ARHGAP10: variants seen among roughly 807,000 people sequenced by gnomAD.
The protein encoded by ARHGAP10 is rho GTPase-activating protein 10.
A neutral mutation model predicts 108.6 loss-of-function variants in ARHGAP10; 87 were observed. That is an observed-to-expected ratio of 0.80 (90% CI 0.67 to 0.96). The LOEUF (loss-of-function observed/expected upper bound fraction) is 0.96, where lower values mean the gene tolerates loss of function less well. ARHGAP10 is among the 40% of genes least tolerant of loss of function. The probability of loss-of-function intolerance (pLI) is 0.00; values close to 1 mark genes in which losing one functional copy is unlikely to be tolerated. For missense variants in ARHGAP10, 939 were observed against 954.5 expected, an observed-to-expected ratio of 0.98 and a Z score of 0.21; for synonymous variants, 347 against 341.1, an observed-to-expected ratio of 1.02 and a Z score of -0.19.
intron 1 of ARHGAP10, among the ~76,000 whole-genome samples, chr4:147,739,147 A>G (rs564766893): frequency 1.3e-5 from 2 of 149,350 alleles, no homozygotes; most frequent in African/African-American, 5.0e-5. Flanking sequence ...AGATCACGCC[A>G]TTGCACTCCA....
At chr4:147,969,640 C>G (rs1055955751) in intron 18 of ARHGAP10, among the ~76,000 whole-genome samples, 2 of 152,046 alleles carry the variant, frequency 1.3e-5, no homozygotes, top group Non-Finnish European at 2.9e-5. Context: ...GTTTTCTTCC[C>G]TTTTTGAAGC....
chr4:148,033,221 C>T (rs547527039), intron 19 of ARHGAP10, among the ~76,000 whole-genome samples: 2 of 152,258 alleles, frequency 1.3e-5, no homozygotes, highest in East Asian at 1.9e-4. Context: ...ATAGTACTCT[C>T]TGCATTCTAT....
intron 18 of ARHGAP10, among the ~76,000 whole-genome samples, chr4:148,019,797 G>A (rs750753167): frequency 6.6e-6 from 1 of 151,398 alleles, no homozygotes; most frequent in African/African-American, 2.4e-5. Flanking sequence ...AACAAAAAAC[G>A]TCTAACCTAA....
At chr4:147,855,679 A>ATGGTTTTTT (rs1200925976) in intron 4 of ARHGAP10, among the ~76,000 whole-genome samples, 1 of 141,628 alleles carries the variant, frequency 7.1e-6, no homozygotes, top group Non-Finnish European at 1.5e-5. Flanking sequence ...ATATTGTCAG[A>ATGGTTTTTT]TGGTTTTTTT....
At chr4:147,895,309 A>G (rs529836075) in intron 10 of ARHGAP10, among the ~76,000 whole-genome samples, 1 of 152,170 alleles carries the variant, frequency 6.6e-6, no homozygotes, top group South Asian at 2.1e-4. Flanking sequence ...TGCTAAGTGC[A>G]CTTATTCTGT....
At chr4:148,049,128 TTATGTTAGGAAGTTTG>T (rs1560892267) in intron 20 of ARHGAP10, among the ~76,000 whole-genome samples, 1 of 152,128 alleles carries the variant, frequency 6.6e-6, no homozygotes, top group African/African-American at 2.4e-5. Flanking sequence ...AGATTTGTCA[TTATGTTAGGAAGTTTG>T]TATATAGATG....
chr4:147,981,575 G>C (rs1739808191), intron 18 of ARHGAP10, among the ~76,000 whole-genome samples: 1 of 152,204 alleles, frequency 6.6e-6, no homozygotes, highest in Non-Finnish European at 1.5e-5. Flanking sequence ...GGTCCGGTTA[G>C]TCAAGTGTTG....
chr4:147,805,589 G>A (rs1013630107), intron 1 of ARHGAP10, among the ~76,000 whole-genome samples: 7 of 152,048 alleles, frequency 4.6e-5, no homozygotes, highest in South Asian at 2.1e-4. Context: ...ATATTGATTC[G>A]TCATATCCCT....
At chr4:147,852,704 CTTTT>C (rs869139032) in intron 4 of ARHGAP10, among the ~76,000 whole-genome samples, 1 of 105,518 alleles carries the variant, frequency 9.5e-6, no homozygotes, top group African/African-American at 3.6e-5. Flanking sequence ...CATCACCAAA[CTTTT>C]TTTTTTTTTT....
chr4:147,888,463 A>G lies in ARHGAP10; in HGVS notation c.1034+6531A>G, dbSNP rs1043108157. 4.1e-4 allele frequency among the ~76,000 whole-genome samples: 63 copies of G among 152,178 alleles called. 1 individual carries two copies. The highest frequency in any genetic ancestry group is 2.8e-3 in the Admixed American group (42 of 15,260). ...TAGTTACATTCCTCTAACATGTTAT[A>G]TAGGTAAATGAATTCATTCCTACCA... On this transcript the variant is annotated intron_variant, in intron 10 of 22. Coordinates refer to ENST00000336498, the MANE Select transcript of ARHGAP10 (RefSeq NM_024605.4).
intron 7 of ARHGAP10, among the ~76,000 whole-genome samples, chr4:147,869,016 T>G (rs1429649913): frequency 2.6e-5 from 4 of 152,180 alleles, no homozygotes; most frequent in Non-Finnish European, 5.9e-5. Context: ...CTTGTCTGTC[T>G]GGACCTCATC....
chr4:147,915,486 T>C (rs1171684739), intron 13 of ARHGAP10, among the ~76,000 whole-genome samples: 2 of 152,232 alleles, frequency 1.3e-5, no homozygotes, highest in Admixed American at 6.5e-5. Flanking sequence ...TACATACTTA[T>C]TTCTGCCTGA....
intron 10 of ARHGAP10, among the ~76,000 whole-genome samples, chr4:147,884,719 T>A (rs1381025728): frequency 1.3e-5 from 2 of 152,004 alleles, no homozygotes; most frequent in Admixed American, 1.3e-4. Context: ...GTAGAGTGAG[T>A]GTCACATGTG....
chr4:147,994,469 CA>C (rs1401491594), intron 18 of ARHGAP10, among the ~76,000 whole-genome samples: 1 of 152,052 alleles, frequency 6.6e-6, no homozygotes, highest in African/African-American at 2.4e-5. Flanking sequence ...TAGCCTGTGC[CA>C]AAGTAAATCT....
rs113999288 is a variant in ARHGAP10 at position 147,748,140 on chromosome 4, A to T, written c.154+15685A>T. Among the ~76,000 whole-genome samples the T allele has an allele frequency of 1.2e-3, 176 of 152,370 alleles. 1 individual carries two copies. The highest frequency in any genetic ancestry group is 4.0e-3 in the African/African-American group (166 of 41,590). On this transcript the variant is annotated intron_variant, in intron 1 of 22. Transcript: ENST00000336498. The stretch of plus-strand genomic sequence containing the variant: ...AAACCCAGATACTCTTGAGAAGTAC[A>T]GTTATGCTAAGACAATAACCATGAA...
At chr4:147,976,375 A>G (rs1027284296) in intron 18 of ARHGAP10, among the ~76,000 whole-genome samples, 1 of 152,236 alleles carries the variant, frequency 6.6e-6, no homozygotes, top group Non-Finnish European at 1.5e-5. Flanking sequence ...TAAAGCTGCA[A>G]AGTTTCTAAA....
chr4:147,972,697 C>T (rs1739456296), intron 18 of ARHGAP10, among the ~76,000 whole-genome samples: 1 of 151,986 alleles, frequency 6.6e-6, no homozygotes, highest in African/African-American at 2.4e-5. Flanking sequence ...AGTATGAGGA[C>T]AGGCTAGTGA....
intron 18 of ARHGAP10, among the ~76,000 whole-genome samples, chr4:147,973,197 G>A (rs1221190606): frequency 1.3e-5 from 2 of 152,146 alleles, no homozygotes; most frequent in African/African-American, 2.4e-5. Flanking sequence ...AGGAGGAAAA[G>A]CCAGAATAGA....
intron 22 of ARHGAP10, among the ~76,000 whole-genome samples, chr4:148,069,591 G>T (rs1413790788): frequency 6.6e-6 from 1 of 152,222 alleles, no homozygotes; most frequent in East Asian, 1.9e-4. Context: ...GCGCAAGTGT[G>T]TGGTGTGTAT....
Sources: gnomAD v4.1 joint callset for allele counts (sites outside exome capture counted in the v4.1 genomes callset) on GRCh38, gnomAD v4.1.1 for gene constraint, MANE v1.5 for transcripts, NCBI Gene and HGNC (gene_info 2026-07-23, HGNC 2026-07-21) for gene names.